ZNF385D: variants seen among roughly 807,000 people sequenced by gnomAD.
ZNF385D encodes zinc finger protein 659.
In ZNF385D, 15 loss-of-function variants were observed where a neutral mutation model predicts 35.8. The ratio of observed to expected loss-of-function variants is 0.42; its 90% CI spans 0.28 to 0.64. The LOEUF is 0.64. Among genes scored for constraint, ZNF385D ranks in the 30% least tolerant of loss-of-function variants. ZNF385D has a pLI of 0.23. For missense variants in ZNF385D, 474 were observed against 494.6 expected (o/e 0.96, Z 0.39); for synonymous variants, 212 against 186.8 (o/e 1.13, Z -1.10).
intron 4 of ZNF385D, 71 bp downstream of exon 4, chr3:21,510,790 T>C (rs1003870088): frequency 5.1e-6 from 8 of 1,583,748 alleles, no homozygotes; most frequent in Non-Finnish European, 6.9e-6. Flanking sequence ...TAAACAGACA[T>C]GGGGCTAGAC....
intron 2 of ZNF385D, among the ~76,000 whole-genome samples, chr3:22,223,442 C>T (rs770499568): frequency 3.3e-5 from 5 of 151,908 alleles, no homozygotes; most frequent in Admixed American, 2.6e-4. Context: ...ACTTGCTGAA[C>T]AATATGGGAT....
intron 3 of ZNF385D, among the ~76,000 whole-genome samples, chr3:21,870,090 TAATA>T (rs1697605121): frequency 6.6e-6 from 1 of 152,084 alleles, no homozygotes. Flanking sequence ...AAATATACAC[TAATA>T]TATACACTAA....
At chr3:21,804,715 T>C (rs2072558222) in intron 3 of ZNF385D, among the ~76,000 whole-genome samples, 1 of 152,172 alleles carries the variant, frequency 6.6e-6, no homozygotes, top group South Asian at 2.1e-4. Flanking sequence ...CAGTTTTTAA[T>C]TTTTACTTAC....
At chr3:21,425,872 A>C (rs1700998792) in intron 5 of ZNF385D, among the ~76,000 whole-genome samples, 1 of 152,206 alleles carries the variant, frequency 6.6e-6, no homozygotes, top group Non-Finnish European at 1.5e-5. Flanking sequence ...AGACTGTAAC[A>C]ATGTGCTTTC....
At chr3:21,901,812 G>C (rs997878384) in intron 3 of ZNF385D, among the ~76,000 whole-genome samples, 3 of 152,162 alleles carry the variant, frequency 2.0e-5, no homozygotes, top group African/African-American at 7.2e-5. Flanking sequence ...CAGACTAACA[G>C]GTTATTTGAG....
intron 2 of ZNF385D, among the ~76,000 whole-genome samples, chr3:22,267,498 C>G (rs916320805): frequency 6.6e-5 from 10 of 151,702 alleles, no homozygotes; most frequent in Non-Finnish European, 1.5e-4. Flanking sequence ...GGGTATTCTG[C>G]TTTCATAAAT....
chr3:21,908,391 T>C (rs1699803625), intron 3 of ZNF385D, among the ~76,000 whole-genome samples: 1 of 152,112 alleles, frequency 6.6e-6, no homozygotes, highest in Non-Finnish European at 1.5e-5. Context: ...TTATGCTGTA[T>C]ACTATTCATT....
intron 3 of ZNF385D, among the ~76,000 whole-genome samples, chr3:21,845,201 G>A (rs1695928162): frequency 6.6e-6 from 1 of 151,846 alleles, no homozygotes; most frequent in South Asian, 2.1e-4. Context: ...CTGCAAATTT[G>A]CTGCCTCTTA....
At chr3:22,001,210 G>C (rs1181689410) in intron 3 of ZNF385D, among the ~76,000 whole-genome samples, 2 of 151,982 alleles carry the variant, frequency 1.3e-5, no homozygotes, top group Non-Finnish European at 2.9e-5. Flanking sequence ...TAGCTGAAAG[G>C]ATTTTTTTTA....
At chr3:22,021,572 T>G (rs971550056) in intron 3 of ZNF385D, among the ~76,000 whole-genome samples, 2 of 152,050 alleles carry the variant, frequency 1.3e-5, no homozygotes, top group African/African-American at 4.8e-5. Context: ...TCTTATATAC[T>G]TTTGTGAGGA....
chr3:21,795,807 C>T (rs1606850), intron 3 of ZNF385D, among the ~76,000 whole-genome samples: 59,319 of 152,062 alleles, frequency 0.39, 11,924 homozygotes, highest in African/African-American at 0.48. Context: ...CTCAGTATGA[C>T]TATCAAATAG....
chr3:21,545,491 AG>A (rs2062339341), intron 3 of ZNF385D, among the ~76,000 whole-genome samples: 1 of 152,222 alleles, frequency 6.6e-6, no homozygotes, highest in African/African-American at 2.4e-5. Context: ...TTAATAAATA[AG>A]GTATACACTC....
chr3:21,945,088 A>G (rs1423811162), intron 3 of ZNF385D, among the ~76,000 whole-genome samples: 1 of 151,828 alleles, frequency 6.6e-6, no homozygotes, highest in Non-Finnish European at 1.5e-5. Context: ...TTCACTGACT[A>G]TATTTGAATG....
At chr3:22,365,327 C>T (rs1009132200) in intron 2 of ZNF385D, among the ~76,000 whole-genome samples, 1 of 151,712 alleles carries the variant, frequency 6.6e-6, no homozygotes, top group African/African-American at 2.4e-5. Context: ...GAAATATCAA[C>T]TAATATCTAA....
At chr3:22,239,198 A>T (rs1335006035) in intron 2 of ZNF385D, among the ~76,000 whole-genome samples, 1 of 151,270 alleles carries the variant, frequency 6.6e-6, no homozygotes, top group African/African-American at 2.4e-5. Flanking sequence ...ACTATGATTC[A>T]TTGCCAAATC....
rs192408548 is a variant in ZNF385D at position 21,965,412 on chromosome 3, C to T, written c.325+203405G>A. ...AGACAGATACATTTCCTAGACATAA[C>T]GTGCCAGAGCGTACAGTAAGTAGCT... On this transcript the variant is annotated intron_variant, in intron 3 of 5. Coordinates refer to the ZNF385D transcript ENST00000494108. Among the ~76,000 whole-genome samples the T allele has an allele frequency of 9.9e-5, 15 of 152,138 alleles. 1 individual carries two copies. The highest frequency in any genetic ancestry group is 6.2e-4 in the South Asian group (3 of 4,818).
rs186640915 is a variant in ZNF385D at position 21,436,090 on chromosome 3, T to A, written c.673+880A>T. Reference sequence around the variant, plus strand: ...ACCCAGTCTTTTTGAGAAAAGTTGATCTTGGCAATGAATCCAGTCTTTAGA... The same window carrying A: ...ACCCAGTCTTTTTGAGAAAAGTTGAACTTGGCAATGAATCCAGTCTTTAGA... On this transcript the variant is annotated intron_variant, in intron 5 of 7. Transcript: ENST00000281523. 1.8e-4 allele frequency among the ~76,000 whole-genome samples: 27 copies of A among 152,256 alleles called. No homozygotes were observed. In the East Asian group the frequency reaches 4.8e-3, roughly 27 times the overall value.
intron 3 of ZNF385D, among the ~76,000 whole-genome samples, chr3:21,927,881 TC>T (rs1454440990): frequency 6.6e-6 from 1 of 152,034 alleles, no homozygotes; most frequent in Non-Finnish European, 1.5e-5. Context: ...AATATACCAC[TC>T]TCGATAACAG....
chr3:21,501,769 A>G (rs1706386203), intron 4 of ZNF385D, among the ~76,000 whole-genome samples: 1 of 152,228 alleles, frequency 6.6e-6, no homozygotes, highest in Non-Finnish European at 1.5e-5. Context: ...TCACATAAAA[A>G]TGAGGAGGAA....
Sources: gnomAD v4.1 joint callset for allele counts (sites outside exome capture counted in the v4.1 genomes callset) on GRCh38, gnomAD v4.1.1 for gene constraint, MANE v1.5 for transcripts, NCBI Gene and HGNC (gene_info 2026-07-23, HGNC 2026-07-21) for gene names.